The following YEATS2 variants were observed in gnomAD, a reference collection of about 807,000 sequenced individuals.
The protein encoded by YEATS2 is YEATS domain containing 2.
In YEATS2, 77 loss-of-function variants were observed where a neutral mutation model predicts 163.2. The ratio of observed to expected loss-of-function variants is 0.47; its 90% CI spans 0.39 to 0.57. The LOEUF (loss-of-function observed/expected upper bound fraction) is 0.57, where lower values mean the gene tolerates loss of function less well. YEATS2 is among the 20% of genes least tolerant of loss of function. The pLI is 0.00. For missense variants in YEATS2, 1,549 were observed against 1,729.8 expected, an observed-to-expected ratio of 0.90 and a Z score of 1.85; for synonymous variants, 631 against 645.1, an observed-to-expected ratio of 0.98 and a Z score of 0.33.
intron 1 of YEATS2, among the ~76,000 whole-genome samples, chr3:183,701,238 G>T (rs977990426): frequency 1.3e-5 from 2 of 151,494 alleles, no homozygotes; most frequent in African/African-American, 4.9e-5. Flanking sequence ...CCACCACCTC[G>T]CCTGGCTAAG....
intron 21 of YEATS2, chr3:183,793,255 T>C: frequency 1.7e-6 from 2 of 1,180,944 alleles, no homozygotes; most frequent in Non-Finnish European, 2.2e-6. Context: ...TTGTTGTCAT[T>C]ACTATTATTA....
chr3:183,716,194 C>G (rs926809636), intron 2 of YEATS2, among the ~76,000 whole-genome samples: 1 of 152,204 alleles, frequency 6.6e-6, no homozygotes, highest in South Asian at 2.1e-4. Flanking sequence ...CTCCTGACCT[C>G]GTGATCCACC....
In YEATS2 at chr3:183,791,076, CA is replaced by C. The variant is rs76782651; in HGVS notation, c.3097+98del. On this transcript the variant is annotated intron_variant, in intron 21 of 30. Transcript: ENST00000305135. ...TGAGATAGCGTCTCACTCTGTCGCC[CA>C]AGCTAGAGTGCAATATCACAATCTC... The C allele has an allele frequency of 2.3e-3, 3,441 of 1,478,336 alleles. 50 individuals carry two copies. In the East Asian group the frequency reaches 0.031, roughly 13 times the overall value. The allele number at this position is 1,478,336 out of a possible 1,614,324, so 91.6% of individuals were successfully genotyped here.
intron 1 of YEATS2, among the ~76,000 whole-genome samples, chr3:183,712,187 C>CTTTTATTTTATTTTA (rs58510341): frequency 0.028 from 3,196 of 113,436 alleles, 307 homozygotes; most frequent in African/African-American, 0.081. Flanking sequence ...ATTTTATGTT[C>CTTTTATTTTATTTTA]TTTTATTTTA....
Position 183,786,151 on chromosome 3 carries a change from A to C in YEATS2, c.2763A>C (p.Leu921=). 1.2e-6 allele frequency: 2 copies of C among 1,613,910 alleles called. No homozygotes were observed. Among genetic ancestry groups the C allele is most frequent in the East Asian group, 4.5e-5 (2 of 44,876 alleles). ...TQAAHGGQAS[L]MKISDSTLKT... ...CAGCCCATGGAGGACAGGCATCTCT[A>C]ATGAAAATATCCGATAGCACCTTGA... The change falls in exon 20 of 31, where the codon CTA becomes CTC. Residue 921 remains leucine, a synonymous_variant. Coordinates refer to ENST00000305135, the MANE Select transcript of YEATS2 (RefSeq NM_018023.5).
chr3:183,801,626 G>GAT, intron 25 of YEATS2, 98 bp downstream of exon 25: 1 of 917,200 alleles, frequency 1.1e-6, no homozygotes, highest in Non-Finnish European at 1.6e-6. Flanking sequence ...AATTAATATT[G>GAT]ATATGGCGGT....
At chr3:183,714,019 G>A (rs959357232) in intron 1 of YEATS2, among the ~76,000 whole-genome samples, 1 of 151,996 alleles carries the variant, frequency 6.6e-6, no homozygotes. Context: ...TGGCCAGGCT[G>A]GTCTCGAACT....
At chr3:183,702,228 T>A (rs1329074906) in intron 1 of YEATS2, among the ~76,000 whole-genome samples, 1 of 152,160 alleles carries the variant, frequency 6.6e-6, no homozygotes, top group Non-Finnish European at 1.5e-5. Context: ...GTGGATCATT[T>A]GAGGTCAAGC....
At chr3:183,703,778 G>A (rs1221657480) in intron 1 of YEATS2, among the ~76,000 whole-genome samples, 4 of 152,000 alleles carry the variant, frequency 2.6e-5, no homozygotes, top group South Asian at 2.1e-4. Context: ...TGGTGTTGGG[G>A]TGAAGCTGCT....
intron 23 of YEATS2, among the ~76,000 whole-genome samples, chr3:183,799,978 G>T (rs1003940784): frequency 2.6e-5 from 4 of 151,750 alleles, no homozygotes; most frequent in Non-Finnish European, 4.4e-5. Flanking sequence ...GACTACAGGC[G>T]CCCGCCACCA....
At chr3:183,722,587 C>T (rs572802585) in intron 5 of YEATS2, among the ~76,000 whole-genome samples, 4 of 151,830 alleles carry the variant, frequency 2.6e-5, no homozygotes, top group Admixed American at 6.6e-5. Flanking sequence ...CTGCGCCCAG[C>T]GGGAAACCAA....
intron 7 of YEATS2, among the ~76,000 whole-genome samples, chr3:183,733,052 A>C (rs1284172716): frequency 1.3e-5 from 2 of 151,110 alleles, no homozygotes; most frequent in Admixed American, 1.3e-4. Context: ...GCTGGTCTCG[A>C]ACTCCTGGCC....
intron 15 of YEATS2, 68 bp downstream of exon 15, chr3:183,762,347 T>G (rs1271380906): frequency 6.7e-7 from 1 of 1,496,760 alleles, no homozygotes; most frequent in African/African-American, 1.4e-5. Context: ...AATTGACAAG[T>G]GCTGAAAAGA....
At chr3:183,810,345 T>A in intron 30 of YEATS2, 130 bp from the exon 31 acceptor site, 1 of 749,552 alleles carries the variant, frequency 1.3e-6, no homozygotes, top group East Asian at 2.7e-5. Flanking sequence ...CCCTAAGCTA[T>A]GTCTGTGGCT....
rs777995141 is a variant in YEATS2 at position 183,758,934 on chromosome 3, A to T, written c.1625A>T (p.His542Leu). The T allele has an allele frequency of 8.2e-6, 13 of 1,591,760 alleles. No homozygotes were observed. In the Admixed American group the frequency reaches 2.4e-4, roughly 30 times the overall value. ...ACAGGTTCCCCTGTTCCTAAAATTC[A>T]TGGAAGTAGTTTTGTAACATCTACT... Reference protein sequence around the residue: ...QGTGSPVPKIHGSSFVTSTVK... With the variant: ...QGTGSPVPKILGSSFVTSTVK... Residue 542 changes from histidine (H) to leucine (L), a missense_variant, in exon 13 of 31, where the codon CAT becomes CTT. By Grantham distance (99) the His-to-Leu change is moderately conservative. Transcript: ENST00000305135.
intron 6 of YEATS2, among the ~76,000 whole-genome samples, chr3:183,726,937 G>T (rs964220587): frequency 1.1e-4 from 16 of 152,092 alleles, no homozygotes; most frequent in Non-Finnish European, 1.3e-4. Flanking sequence ...AAGTAGTTGG[G>T]ATTACAGACA....
intron 15 of YEATS2, among the ~76,000 whole-genome samples, chr3:183,768,077 GT>G (rs1722090114): frequency 6.6e-6 from 1 of 152,214 alleles, no homozygotes; most frequent in African/African-American, 2.4e-5. Context: ...TGCTATCTTA[GT>G]TAAGAGAAAA....
At chr3:183,756,455 C>T in intron 11 of YEATS2, 73 bp from the exon 12 acceptor site, 1 of 1,407,392 alleles carries the variant, frequency 7.1e-7, no homozygotes, top group Non-Finnish European at 9.5e-7. Flanking sequence ...GACCTTCTTC[C>T]TTGTCCTCGA....
chr3:183,769,950 G>T (rs1032035924), intron 15 of YEATS2, among the ~76,000 whole-genome samples: 1 of 151,850 alleles, frequency 6.6e-6, no homozygotes, highest in African/African-American at 2.4e-5. Context: ...CTCCTAAAGT[G>T]CTGGGATTAC....
Sources: allele counts gnomAD v4.1 joint callset (sites outside exome capture counted in the v4.1 genomes callset), GRCh38; gene constraint gnomAD v4.1.1; transcripts MANE v1.5; gene names NCBI Gene and HGNC (gene_info 2026-07-23, HGNC 2026-07-21).